The following KANSL1 variants were observed in gnomAD, a reference collection of about 807,000 sequenced individuals.
The protein encoded by KANSL1 is MLL1/MLL complex subunit KANSL1.
KANSL1 carries 22 observed loss-of-function variants against 103.6 expected under a neutral mutation model. The ratio of observed to expected loss-of-function variants is 0.21; its 90% CI spans 0.15 to 0.30. The LOEUF (loss-of-function observed/expected upper bound fraction) is 0.30, where lower values mean the gene tolerates loss of function less well. KANSL1 is among the 10% of genes least tolerant of loss of function. The probability of loss-of-function intolerance (pLI) is 1.00; values close to 1 mark genes in which losing one functional copy is unlikely to be tolerated. For missense variants in KANSL1, 1,337 were observed against 1,399.8 expected, an observed-to-expected ratio of 0.96 and a Z score of 0.72; for synonymous variants, 600 against 527.6, an observed-to-expected ratio of 1.14 and a Z score of -1.88.
intron 1 of KANSL1, among the ~76,000 whole-genome samples, chr17:46,187,110 T>C (rs937176069): frequency 3.9e-5 from 6 of 152,234 alleles, no homozygotes; most frequent in African/African-American, 1.4e-4. Context: ...TGAGCCTCTT[T>C]CCCTTCACAC....
intron 7 of KANSL1, chr17:46,040,733 T>C (rs1484230552): frequency 1.3e-5 from 2 of 152,256 alleles, no homozygotes; most frequent in Non-Finnish European, 2.9e-5. Context: ...CAGATCAATT[T>C]GGGGACAACT....
At chr17:46,200,865 G>GT (rs1250797933) in intron 1 of KANSL1, among the ~76,000 whole-genome samples, 4 of 151,784 alleles carry the variant, frequency 2.6e-5, no homozygotes, top group African/African-American at 9.7e-5. Flanking sequence ...TGGCAGACCT[G>GT]TTTCCTCCAA....
chr17:46,212,044 G>A (rs919522657), intron 1 of KANSL1, among the ~76,000 whole-genome samples: 13 of 152,182 alleles, frequency 8.5e-5, no homozygotes, highest in Non-Finnish European at 1.3e-4. Context: ...AAGGAGGCTG[G>A]TTGGTATAGA....
chr17:46,184,149 G>A (rs1266883516), intron 1 of KANSL1, among the ~76,000 whole-genome samples: 5 of 152,166 alleles, frequency 3.3e-5, no homozygotes, highest in Non-Finnish European at 5.9e-5. Flanking sequence ...TATAAATTAG[G>A]TGTGAAGGTA....
At chr17:46,064,991 AG>A (rs1184470497) in intron 6 of KANSL1, among the ~76,000 whole-genome samples, 1 of 152,048 alleles carries the variant, frequency 6.6e-6, no homozygotes, top group Admixed American at 6.6e-5. Flanking sequence ...TTTTTTTAAA[AG>A]ACAGAGTCTC....
rs147378906 is a variant in KANSL1, at chr17:46,032,265, G to C, written c.2872C>G (p.Gln958Glu). The change falls in exon 14 of 15, where the codon CAG becomes GAG. Residue 958 changes from glutamine to glutamate, a missense_variant. This residue lies in a region of KANSL1 where 780 missense variants were observed against 923.4 expected (regional missense o/e 0.84). Coordinates refer to ENST00000432791, the MANE Select transcript of KANSL1 (RefSeq NM_015443.4). ...GTGGAGGGGTTGGCACTGCCCAGCTGGGGGGTTGTCCGGCCGTCTGATGAC... is the reference window on the plus strand; with the variant it reads ...GTGGAGGGGTTGGCACTGCCCAGCTCGGGGGTTGTCCGGCCGTCTGATGAC... ...YRSSDGRTTP[Q>E]LGSANPSTPQ... The C allele has an allele frequency of 6.5e-7, 1 of 1,534,608 alleles. No individual in the cohort carries two copies. Among genetic ancestry groups the C allele is most frequent in the Non-Finnish European group, 8.8e-7 (1 of 1,139,918 alleles).
chr17:46,170,842 G>A lies in KANSL1; in HGVS notation c.1289+13C>T. The A allele has an allele frequency of 2.5e-6, 4 of 1,574,608 alleles. No individual in the cohort carries two copies. Among genetic ancestry groups the A allele is most frequent in the Non-Finnish European group, 2.6e-6 (3 of 1,161,734 alleles). Reference sequence around the variant, plus strand: ...ATTTCTCAAGAATGCTATCATGCATGAGGTCTACTCACAGGGGTACATGAC... The same window carrying A: ...ATTTCTCAAGAATGCTATCATGCATAAGGTCTACTCACAGGGGTACATGAC... On this transcript the variant is annotated intron_variant, in intron 2 of 14. Transcript: ENST00000432791.
intron 2 of KANSL1, among the ~76,000 whole-genome samples, chr17:46,158,076 T>C (rs1479280059): frequency 6.6e-6 from 1 of 152,272 alleles, no homozygotes; most frequent in Non-Finnish European, 1.5e-5. Flanking sequence ...GGCAACTAAA[T>C]GAATCAATGA....
upstream of KANSL1, chr17:46,193,828 G>C (rs1165852681): frequency 3.6e-5 from 6 of 165,090 alleles, no homozygotes; most frequent in African/African-American, 1.2e-4. Context: ...AGGGCGGGCC[G>C]GCGCCGCGGA....
chr17:46,151,994 C>T (rs1320875635), intron 2 of KANSL1, among the ~76,000 whole-genome samples: 1 of 152,156 alleles, frequency 6.6e-6, no homozygotes, highest in Non-Finnish European at 1.5e-5. Flanking sequence ...TATTTTTTCT[C>T]ATCTGTGGTA....
chr17:46,094,759 G>T, intron 2 of KANSL1, 58 bp from the exon 3 acceptor site: 1 of 1,595,552 alleles, frequency 6.3e-7, no homozygotes, highest in South Asian at 1.1e-5. Flanking sequence ...ATACCAGATT[G>T]GGGGGTGGGG....
At chr17:46,097,313 G>C (rs1403021824) in intron 2 of KANSL1, among the ~76,000 whole-genome samples, 1 of 152,178 alleles carries the variant, frequency 6.6e-6, no homozygotes. Flanking sequence ...GGAATTTGAT[G>C]AAATACTATC....
chr17:46,129,820 C>T (rs2043759256), intron 2 of KANSL1, among the ~76,000 whole-genome samples: 1 of 152,060 alleles, frequency 6.6e-6, no homozygotes, highest in Admixed American at 6.5e-5. Flanking sequence ...CTGTTTTCTA[C>T]TAAGAAATTT....
chr17:46,113,536 A>G (rs565196378), intron 2 of KANSL1, among the ~76,000 whole-genome samples: 6 of 152,354 alleles, frequency 3.9e-5, no homozygotes, highest in East Asian at 1.9e-4. Context: ...ACCTGTAGGT[A>G]TAAGTGGGGC....
At chr17:46,126,699 A>C (rs908274417) in intron 2 of KANSL1, among the ~76,000 whole-genome samples, 1 of 152,246 alleles carries the variant, frequency 6.6e-6, no homozygotes, top group Non-Finnish European at 1.5e-5. Context: ...CAAAACATAC[A>C]GTGTAATATC....
intron 2 of KANSL1, among the ~76,000 whole-genome samples, chr17:46,165,193 T>C (rs1205487544): frequency 1.3e-5 from 2 of 152,264 alleles, no homozygotes; most frequent in African/African-American, 4.8e-5. Context: ...ATCTGTGTAT[T>C]CTTAATAAAT....
intron 1 of KANSL1, among the ~76,000 whole-genome samples, chr17:46,185,692 TACACACACACACACACACACAC>T (rs58833932): frequency 1.4e-5 from 2 of 144,314 alleles, no homozygotes; most frequent in Non-Finnish European, 3.0e-5. Context: ...CACACATATA[TACACACACACACACACACACAC>T]ACACACACAC....
chr17:46,076,196 A>G (rs1167383367), intron 4 of KANSL1, among the ~76,000 whole-genome samples: 1 of 152,226 alleles, frequency 6.6e-6, no homozygotes, highest in Non-Finnish European at 1.5e-5. Flanking sequence ...TTGTTTTTAA[A>G]AATTGTTTTG....
chr17:46,217,691 C>T (rs2048384723), intron 1 of KANSL1, among the ~76,000 whole-genome samples: 1 of 152,178 alleles, frequency 6.6e-6, no homozygotes, highest in Admixed American at 6.5e-5. Flanking sequence ...GAGTTTGAGA[C>T]CAGCCTGGGC....
Sources: allele counts gnomAD v4.1 joint callset (sites outside exome capture counted in the v4.1 genomes callset), GRCh38; gene constraint gnomAD v4.1.1; regional missense constraint gnomAD v4.1.1; transcripts MANE v1.5; gene names NCBI Gene and HGNC (gene_info 2026-07-23, HGNC 2026-07-21).